ARHGAP24: variants seen among roughly 807,000 people sequenced by gnomAD.
The protein encoded by ARHGAP24 is Rho GTPase activating protein 24.
ARHGAP24 carries 50 observed loss-of-function variants against 76.4 expected under a neutral mutation model. The observed-to-expected ratio is 0.65, with a 90% CI of 0.52 to 0.83. The LOEUF is 0.83. ARHGAP24 is among the 40% of genes least tolerant of loss of function. The pLI is 0.00. For synonymous variants in ARHGAP24, 345 were observed against 323.3 expected (o/e 1.07, Z -0.72); for missense variants, 930 against 914.2 (o/e 1.02, Z -0.22).
chr4:85,797,738 T>TA (rs763997485), intron 3 of ARHGAP24, among the ~76,000 whole-genome samples: 2 of 152,226 alleles, frequency 1.3e-5, no homozygotes, highest in Non-Finnish European at 2.9e-5. Context: ...TGACTCTAAT[T>TA]AGCCTGAATT....
intron 7 of ARHGAP24, chr4:85,975,624 C>T (rs932389324): frequency 6.6e-6 from 1 of 152,130 alleles, no homozygotes; most frequent in Non-Finnish European, 1.5e-5. Context: ...TATATGTGCT[C>T]CTGTTTAAGA....
At chr4:85,787,033 T>G (rs1727875075) in intron 3 of ARHGAP24, among the ~76,000 whole-genome samples, 1 of 152,204 alleles carries the variant, frequency 6.6e-6, no homozygotes, top group Non-Finnish European at 1.5e-5. Flanking sequence ...TCTTACATAT[T>G]TGTCTGAGCA....
intron 1 of ARHGAP24, among the ~76,000 whole-genome samples, chr4:85,497,046 G>A (rs1410452987): frequency 6.6e-6 from 1 of 152,206 alleles, no homozygotes; most frequent in Non-Finnish European, 1.5e-5. Context: ...AGTTTAGTGT[G>A]AATTTGTACA....
chr4:85,986,362 T>C (rs1739995503), intron 8 of ARHGAP24, among the ~76,000 whole-genome samples: 1 of 152,130 alleles, frequency 6.6e-6, no homozygotes, highest in African/African-American at 2.4e-5. Context: ...GGAATAGAGA[T>C]TGTTCACATT....
intron 1 of ARHGAP24, among the ~76,000 whole-genome samples, chr4:85,494,426 A>G (rs1207694676): frequency 6.6e-6 from 1 of 150,964 alleles, no homozygotes; most frequent in African/African-American, 2.4e-5. Flanking sequence ...TTTTTTTTTT[A>G]CTCTTTTAAT....
chr4:85,733,060 CTT>C (rs1210109366), intron 3 of ARHGAP24, among the ~76,000 whole-genome samples: 1,607 of 55,208 alleles, frequency 0.029, 176 homozygotes, highest in Middle Eastern at 0.12. Context: ...GCCTCACCAA[CTT>C]TTTTTTTTTT....
At chr4:85,631,765 G>GA (rs373639919) in intron 2 of ARHGAP24, among the ~76,000 whole-genome samples, 1 of 151,610 alleles carries the variant, frequency 6.6e-6, no homozygotes, top group East Asian at 1.9e-4. Context: ...CTGGGTGAGT[G>GA]AAAAAAAATT....
At chr4:85,797,825 T>C (rs891002360) in intron 3 of ARHGAP24, among the ~76,000 whole-genome samples, 1 of 152,164 alleles carries the variant, frequency 6.6e-6, no homozygotes, top group Non-Finnish European at 1.5e-5. Context: ...TTCCCAACCC[T>C]GCCCTCCTCA....
At chr4:85,522,162 T>C (rs1724800280) in intron 1 of ARHGAP24, among the ~76,000 whole-genome samples, 1 of 152,200 alleles carries the variant, frequency 6.6e-6, no homozygotes, top group Admixed American at 6.5e-5. Flanking sequence ...TCTGTTTTAC[T>C]GGTACTTCAG....
At chr4:85,772,152 A>T (rs143288774) in intron 3 of ARHGAP24, among the ~76,000 whole-genome samples, 79 of 152,352 alleles carry the variant, frequency 5.2e-4, no homozygotes, top group African/African-American at 1.9e-3. Context: ...CTTAGGAGCT[A>T]GTTGCTCTAA....
chr4:86,000,460 C>A lies in ARHGAP24; in HGVS notation c.2004-19C>A. 5 of 812,222 alleles carry A rather than the reference C, an allele frequency of 6.2e-6. No individual in the cohort carries two copies. The highest frequency in any genetic ancestry group is 2.4e-5 in the Admixed American group (1 of 42,296). The allele number at this position is 812,222 out of a possible 1,614,324, so 50.3% of individuals were successfully genotyped here. On this transcript the variant is annotated intron_variant, in intron 9 of 9. Coordinates refer to ENST00000395184, the MANE Select transcript of ARHGAP24 (RefSeq NM_001025616.3). Reference sequence around the variant, plus strand: ...ACTCTTGCGTCCCCACCCCCCACCCCCCCCAACATCCTTTGTAGCTTAGAA... The same window carrying A: ...ACTCTTGCGTCCCCACCCCCCACCCACCCCAACATCCTTTGTAGCTTAGAA...
intron 1 of ARHGAP24, among the ~76,000 whole-genome samples, chr4:85,556,901 G>C (rs1345246908): frequency 6.6e-6 from 1 of 152,136 alleles, no homozygotes; most frequent in African/African-American, 2.4e-5. Context: ...CCAGGAGGGG[G>C]TCACTAAAGT....
intron 2 of ARHGAP24, among the ~76,000 whole-genome samples, chr4:85,640,661 C>T (rs552381392): frequency 6.6e-6 from 1 of 152,202 alleles, no homozygotes; most frequent in East Asian, 1.9e-4. Flanking sequence ...AGCCTTTGCC[C>T]TCAAAGGATT....
chr4:85,828,715 A>T (rs1410325401), intron 3 of ARHGAP24, among the ~76,000 whole-genome samples: 1 of 152,130 alleles, frequency 6.6e-6, no homozygotes, highest in African/African-American at 2.4e-5. Flanking sequence ...AGTATTACTC[A>T]CTATGAGTCT....
intron 8 of ARHGAP24, chr4:85,991,063 T>C (rs1317065251): frequency 6.6e-6 from 1 of 151,980 alleles, no homozygotes; most frequent in Non-Finnish European, 1.5e-5. Flanking sequence ...GGCAGTCAAC[T>C]CAATGAAAAA....
intron 1 of ARHGAP24, among the ~76,000 whole-genome samples, chr4:85,561,572 T>C (rs2110135835): frequency 6.6e-6 from 1 of 152,332 alleles, no homozygotes; most frequent in African/African-American, 2.4e-5. Flanking sequence ...TATTTAAATA[T>C]TTTTCGTTAT....
At chr4:85,811,666 ATTAT>A (rs1729016635) in intron 3 of ARHGAP24, among the ~76,000 whole-genome samples, 1 of 152,232 alleles carries the variant, frequency 6.6e-6, no homozygotes, top group South Asian at 2.1e-4. Flanking sequence ...ACTCAGAGTA[ATTAT>A]TTATAGATTG....
At chr4:85,744,504 A>G (rs996797798) in intron 3 of ARHGAP24, among the ~76,000 whole-genome samples, 1 of 152,232 alleles carries the variant, frequency 6.6e-6, no homozygotes, top group Admixed American at 6.5e-5. Flanking sequence ...CACAAATTCA[A>G]GGAGAATGGA....
intron 3 of ARHGAP24, among the ~76,000 whole-genome samples, chr4:85,823,044 C>T (rs1729548902): frequency 6.6e-6 from 1 of 152,140 alleles, no homozygotes; most frequent in Non-Finnish European, 1.5e-5. Flanking sequence ...GTCAAAAAAA[C>T]TTCAAAAATG....
Sources: gnomAD v4.1 joint callset for allele counts (sites outside exome capture counted in the v4.1 genomes callset) on GRCh38, gnomAD v4.1.1 for gene constraint, MANE v1.5 for transcripts, NCBI Gene and HGNC (gene_info 2026-07-23, HGNC 2026-07-21) for gene names.